CKB: variants seen among roughly 807,000 people sequenced by gnomAD.
CKB encodes the protein creatine kinase B-type.
In CKB, 15 loss-of-function variants were observed where a neutral mutation model predicts 36.9. The ratio of observed to expected loss-of-function variants is 0.41; its 90% CI spans 0.27 to 0.63. The LOEUF is 0.63. Among genes scored for constraint, CKB ranks in the 20% least tolerant of loss-of-function variants. The probability of loss-of-function intolerance (pLI) is 0.34; values close to 1 mark genes in which losing one functional copy is unlikely to be tolerated. For synonymous variants in CKB, 250 were observed against 228.2 expected (o/e 1.10, Z -0.86); for missense variants, 413 against 534.9 (o/e 0.77, Z 2.25).
In CKB at chr14:103,522,517, C is replaced by T. The variant is rs1474878640; in HGVS notation, c.-12-12G>A. 7.2e-7 allele frequency: 1 copy of T among 1,387,110 alleles called. No homozygotes were observed. The highest frequency in any genetic ancestry group is 1.5e-5 in the African/African-American group (1 of 65,604). The allele number at this position is 1,387,110 out of a possible 1,614,324, so 85.9% of individuals were successfully genotyped here. On this transcript the variant is annotated splice_polypyrimidine_tract_variant and intron_variant, in intron 1 of 7. Coordinates refer to ENST00000348956, the MANE Select transcript of CKB (RefSeq NM_001823.5). This position sits in a 1 kb window ranked among gnomAD's most constrained non-coding sequence, Gnocchi z 6.7. ...ATGGCGGCGGCGGGCTGCGGGGAGA[C>T]GCGGGGTCAGAGGGGACCGGCACGC...
rs956567144 is a variant in CKB at position 103,522,665 on chromosome 14, G to C, written c.-13+101C>G. On this transcript the variant is annotated intron_variant, in intron 1 of 7. Coordinates refer to ENST00000348956, the MANE Select transcript of CKB (RefSeq NM_001823.5). This position sits in a 1 kb window ranked among gnomAD's most constrained non-coding sequence, Gnocchi z 6.7. The stretch of plus-strand genomic sequence containing the variant: ...CGCGGGGAGCGCCATCATCGCCGGG[G>C]ACCCCCGGCCGGTCCGGCGCGCGCT... The C allele has an allele frequency of 7.6e-6, 2 of 263,160 alleles. No homozygotes were observed. The highest frequency in any genetic ancestry group is 3.2e-4 in the South Asian group (2 of 6,328). The allele number at this position is 263,160 out of a possible 1,614,324, so 16.3% of individuals were successfully genotyped here. A position where few individuals can be genotyped will look rare whatever the true frequency, so the allele number is the denominator to read the frequency against.
At chr14:103,520,705 A>G (rs2142229793) in intron 5 of CKB, 113 bp from the exon 6 acceptor site, 2 of 1,405,290 alleles carry the variant, frequency 1.4e-6, no homozygotes, top group South Asian at 2.9e-5. Context: ...CCAGGAGTGG[A>G]GGCTGCTGCC....
chr14:103,520,741 G>GGCGGGGGGGCA, intron 5 of CKB, 149 bp from the exon 6 acceptor site: 3 of 1,150,396 alleles, frequency 2.6e-6, no homozygotes, highest in Non-Finnish European at 3.6e-6. Flanking sequence ...AACACGGGGC[G>GGCGGGGGGGCA]GGCGGGGGAA....
intron 5 of CKB, 115 bp downstream of exon 5, chr14:103,521,148 T>G: frequency 4.7e-6 from 3 of 642,496 alleles, no homozygotes; most frequent in Middle Eastern, 5.1e-4. Flanking sequence ...GGCCCCTCCC[T>G]CCTCCTCCTC....
intron 5 of CKB, 51 bp downstream of exon 5, chr14:103,521,212 G>A: frequency 6.5e-7 from 1 of 1,531,270 alleles, no homozygotes; most frequent in Non-Finnish European, 8.8e-7. Flanking sequence ...GAGGGAAAGC[G>A]GAGGTAGCGG....
In CKB at chr14:103,521,945, G is replaced by A. The variant is rs2075904414; in HGVS notation, c.354C>T (p.Gly118=). Residue 118 remains glycine, a synonymous_variant, in exon 4 of 8, where the codon GGC becomes GGT. Coordinates refer to ENST00000348956, the MANE Select transcript of CKB (RefSeq NM_001823.5). ...GCACGTAGTTGGGGTCCAGGTCGTC[G>A]CCGCCCTGGGAGGCGAGACGGGAGT... is the stretch of plus-strand genomic sequence containing the variant. ...TDLNPDNLQG[G]DDLDPNYVLS... The A allele has an allele frequency of 1.3e-6, 2 of 1,573,934 alleles. No individual in the cohort carries two copies. The highest frequency in any genetic ancestry group is 1.7e-6 in the Non-Finnish European group (2 of 1,166,608).
chr14:103,520,442 G>A (rs752830110), intron 6 of CKB, 27 bp downstream of exon 6: 6 of 1,595,396 alleles, frequency 3.8e-6, no homozygotes, highest in South Asian at 3.4e-5. Context: ...GGGGCCCTGG[G>A]GTCTGGGCCT....
intron 6 of CKB, 56 bp from the exon 7 acceptor site, chr14:103,520,367 CCT>C (rs368946669): frequency 1.3e-6 from 2 of 1,585,730 alleles, no homozygotes; most frequent in African/African-American, 2.7e-5. Flanking sequence ...CCCTACAGGC[CCT>C]GAGACTCCCC....
At chr14:103,521,010 G>A (rs2075896251) in intron 5 of CKB, 1 of 613,210 alleles carries the variant, frequency 1.6e-6, no homozygotes, top group Admixed American at 2.8e-5. Context: ...CTCACGTCTC[G>A]GGGTGGGGAG....
At position 103,522,185 on chromosome 14, in the gene CKB, AG is replaced by A; in HGVS notation, c.194-9del. 1 of 1,588,420 alleles carries A rather than the reference AG, an allele frequency of 6.3e-7. No individual in the cohort carries two copies. ...TCATGATGTACGGGTGGCCTGGGGG[AG>A]GGGGCGCGGGACGGGGACAGTGACG... On this transcript the variant is annotated splice_polypyrimidine_tract_variant and intron_variant, in intron 2 of 7. Coordinates refer to ENST00000348956, the MANE Select transcript of CKB (RefSeq NM_001823.5). This position sits in a 1 kb window ranked among gnomAD's most constrained non-coding sequence, Gnocchi z 6.7.
chr14:103,519,996 G>A lies in CKB; in HGVS notation c.1014C>T (p.Asn338=), dbSNP rs779587687. 1.9e-6 allele frequency: 3 copies of A among 1,610,938 alleles called. No individual in the cohort carries two copies. Among genetic ancestry groups the A allele is most frequent in the East Asian group, 2.2e-5 (1 of 44,874 alleles). The change falls in exon 8 of 8, where the codon AAC becomes AAT. Residue 338 remains asparagine, a synonymous_variant. Transcript: ENST00000348956. ...CCTCTGAGAAGCCCAGGCGGTCAGC[G>A]TTGGAGACGTCGAAGACCCCGCCCA... The part of the protein sequence containing the change: ...AAVGGVFDVS[N]ADRLGFSEVE...
chr14:103,522,270 G>C lies in CKB; in HGVS notation c.193+31C>G, dbSNP rs748349526. The C allele has an allele frequency of 1.3e-6, 2 of 1,566,448 alleles. No homozygotes were observed. The highest frequency in any genetic ancestry group is 1.7e-6 in the Non-Finnish European group (2 of 1,158,018). On this transcript the variant is annotated intron_variant, in intron 2 of 7. Coordinates refer to ENST00000348956, the MANE Select transcript of CKB (RefSeq NM_001823.5). This position sits in a 1 kb window ranked among gnomAD's most constrained non-coding sequence, Gnocchi z 6.7. The stretch of plus-strand genomic sequence containing the variant: ...CTGCGGCTGCGCGGGGGGAGGGGGG[G>C]CCGGGACCCCGGCCCCGAGGGGTCG...
chr14:103,522,564 T>A lies in CKB; in HGVS notation c.-12-59A>T. On this transcript the variant is annotated intron_variant, in intron 1 of 7. Coordinates refer to ENST00000348956, the MANE Select transcript of CKB (RefSeq NM_001823.5). The surrounding 1 kb of genome is among the most constrained non-coding windows in gnomAD (Gnocchi z 6.7). ...ACGCCGGGGTTCCCGGGCTCCCGCG[T>A]ACCACTCAGGCCCCCGCCGCCGGGC... The A allele has an allele frequency of 4.2e-4, 198 of 474,916 alleles. No homozygotes were observed. Among genetic ancestry groups the A allele is most frequent in the East Asian group, 6.2e-4 (6 of 9,712 alleles). The allele number at this position is 474,916 out of a possible 1,614,324, so 29.4% of individuals were successfully genotyped here. A position where few individuals can be genotyped will look rare whatever the true frequency, so the allele number is the denominator to read the frequency against.
chr14:103,522,233 C>A lies in CKB; in HGVS notation c.194-56G>T. 1 of 1,566,854 alleles carries A rather than the reference C, an allele frequency of 6.4e-7. No homozygotes were observed. Among genetic ancestry groups the A allele is most frequent in the Non-Finnish European group, 8.6e-7 (1 of 1,158,054 alleles). On this transcript the variant is annotated intron_variant, in intron 2 of 7. Coordinates refer to ENST00000348956, the MANE Select transcript of CKB (RefSeq NM_001823.5). The surrounding 1 kb of genome is among the most constrained non-coding windows in gnomAD (Gnocchi z 6.7). ...GACGTCACTGCCGGGCCCGAGCGCG[C>A]TGCTGAGGACCCTGCGGCTGCGCGG...
chr14:103,519,983 C>T lies in CKB; in HGVS notation c.1027G>A (p.Gly343Ser), dbSNP rs2142228944. 6 of 1,611,208 alleles carry T rather than the reference C, an allele frequency of 3.7e-6. No individual in the cohort carries two copies. Among genetic ancestry groups the T allele is most frequent in the East Asian group, 2.2e-5 (1 of 44,872 alleles). Residue 343 changes from glycine (G) to serine (S), a missense_variant, in exon 8 of 8, where the codon GGC becomes AGC. By Grantham distance (56) the Gly-to-Ser change is moderately conservative. Around this residue, in one of 3 missense-constraint regions of CKB, gnomAD observed 314 missense variants for 409.4 expected, o/e 0.77. Transcript: ENST00000348956. ...VFDVSNADRLGFSEVELVQMV... is the reference protein window; with the variant it reads ...VFDVSNADRLSFSEVELVQMV... Reference sequence around the variant, plus strand: ...TGCACCAGCTCCACCTCTGAGAAGCCCAGGCGGTCAGCGTTGGAGACGTCG... The same window carrying T: ...TGCACCAGCTCCACCTCTGAGAAGCTCAGGCGGTCAGCGTTGGAGACGTCG...
At chr14:103,520,955 C>T in intron 5 of CKB, 1 of 553,066 alleles carries the variant, frequency 1.8e-6, no homozygotes, top group East Asian at 3.3e-5. Flanking sequence ...AGAGCTCCAG[C>T]TCCCAGGGCC....
chr14:103,521,870 G>A lies in CKB; in HGVS notation c.429C>T (p.Pro143=). Reference sequence around the variant, plus strand: ...GGCGCTCCCCGCGGCTGCAGTGCGGGGGGAGGCAGAAGCCACGGATGCTGC... The same window carrying A: ...GGCGCTCCCCGCGGCTGCAGTGCGGAGGGAGGCAGAAGCCACGGATGCTGC... ...TGRSIRGFCL[P]PHCSRGERRA... is the part of the protein sequence containing the mutation. The change falls in exon 4 of 8, where the codon CCC becomes CCT. Residue 143 remains proline, a synonymous_variant. Transcript: ENST00000348956. The A allele has an allele frequency of 6.4e-7, 1 of 1,560,854 alleles. No individual in the cohort carries two copies. The highest frequency in any genetic ancestry group is 1.2e-5 in the South Asian group (1 of 85,782).
rs778765991 is a variant in CKB, at chr14:103,519,926, C to T, written c.1084G>A (p.Glu362Lys). ...CCCTGCTCCAGCCGCTGCTCCATCTCGATGAGCAGCTTCACTCCGTCCACC... is the reference window on the plus strand; with the variant it reads ...CCCTGCTCCAGCCGCTGCTCCATCTTGATGAGCAGCTTCACTCCGTCCACC... ...MVVDGVKLLI[E>K]MEQRLEQGQA... The change falls in exon 8 of 8, where the codon GAG (glutamate) becomes AAG (lysine). Residue 362 changes from glutamate to lysine, a missense_variant. Glu to Lys is a moderately conservative substitution (Grantham distance 56). Transcript: ENST00000348956. 6.2e-7 allele frequency: 1 copy of T among 1,609,650 alleles called. No individual in the cohort carries two copies. The highest frequency in any genetic ancestry group is 2.2e-5 in the East Asian group (1 of 44,866).
chr14:103,521,929 T>C lies in CKB; in HGVS notation c.370A>G (p.Asn124Asp), dbSNP rs768082163. 6.3e-7 allele frequency: 1 copy of C among 1,580,448 alleles called. No individual in the cohort carries two copies. Among genetic ancestry groups the C allele is most frequent in the South Asian group, 1.1e-5 (1 of 87,822 alleles). ...NLQGGDDLDP[N>D]YVLSSRVRTG... ...CGCACCCGCGAGCTCAGCACGTAGT[T>C]GGGGTCCAGGTCGTCGCCGCCCTGG... is the stretch of plus-strand genomic sequence containing the variant. Residue 124 changes from asparagine to aspartate, a missense_variant, in exon 4 of 8, where the codon AAC becomes GAC. By Grantham distance (23) the Asn-to-Asp change is conservative. This residue lies in a region of CKB where 314 missense variants were observed against 409.4 expected (regional missense o/e 0.77). Coordinates refer to ENST00000348956, the MANE Select transcript of CKB (RefSeq NM_001823.5).
Sources: allele counts gnomAD v4.1 joint callset, GRCh38; gene constraint gnomAD v4.1.1; regional missense constraint gnomAD v4.1.1; non-coding constraint Gnocchi (gnomAD v3.1); transcripts MANE v1.5; gene names NCBI Gene and HGNC (gene_info 2026-07-23, HGNC 2026-07-21).